The following ZNF423 variants were observed in gnomAD, a reference collection of about 807,000 sequenced individuals.
The protein encoded by ZNF423 is zinc finger protein 423.
A neutral mutation model predicts 95.8 loss-of-function variants in ZNF423; 12 were observed. The ratio of observed to expected loss-of-function variants is 0.13; its 90% CI spans 0.08 to 0.20. The LOEUF (loss-of-function observed/expected upper bound fraction) is 0.20, where lower values mean the gene tolerates loss of function less well. Ranked by LOEUF, ZNF423 falls within the 10% of genes least tolerant of loss-of-function variation. The pLI, the probability that ZNF423 is intolerant of heterozygous loss-of-function variation, is 1.00. For missense variants in ZNF423, 1,316 were observed against 1,737.1 expected, an observed-to-expected ratio of 0.76 and a Z score of 4.31; for synonymous variants, 749 against 711.9, an observed-to-expected ratio of 1.05 and a Z score of -0.83.
intron 1 of ZNF423, among the ~76,000 whole-genome samples, chr16:49,799,404 G>A (rs1046832928): frequency 3.9e-5 from 6 of 152,242 alleles, no homozygotes; most frequent in East Asian, 1.9e-4. Context: ...TTCCCACTGC[G>A]ATTTAGCCCA....
intron 3 of ZNF423, among the ~76,000 whole-genome samples, chr16:49,697,281 G>A (rs1353045433): frequency 2.0e-5 from 3 of 152,096 alleles, no homozygotes; most frequent in African/African-American, 7.2e-5. Flanking sequence ...GAGATGGGCT[G>A]GGAGCAGAGC....
At chr16:49,831,405 A>G (rs2035059753) in intron 1 of ZNF423, among the ~76,000 whole-genome samples, 1 of 152,222 alleles carries the variant, frequency 6.6e-6, no homozygotes, top group Admixed American at 6.5e-5. Flanking sequence ...AAGAGGGCAG[A>G]TCAAATCCCA....
In ZNF423 at chr16:49,565,590, C is replaced by T. The variant is rs1462065923; in HGVS notation, c.3602-40096G>A. 2.6e-5 allele frequency among the ~76,000 whole-genome samples: 4 copies of T among 152,134 alleles called. No homozygotes were observed. In the East Asian group the frequency reaches 5.8e-4, roughly 22 times the overall value. On this transcript the variant is annotated intron_variant, in intron 5 of 7. Transcript: ENST00000563137. ...CCCACGTGCTGCCCACCCTCAGAAC[C>T]AACGAGGACCTGGCTCAAGGCAACA...
intron 3 of ZNF423, among the ~76,000 whole-genome samples, chr16:49,654,846 A>G (rs1192049656): frequency 6.6e-6 from 1 of 152,248 alleles, no homozygotes; most frequent in African/African-American, 2.4e-5. Flanking sequence ...GTCCACGCTT[A>G]GCATTTCCAG....
At chr16:49,644,379 G>T (rs1347165314) in intron 3 of ZNF423, among the ~76,000 whole-genome samples, 1 of 151,940 alleles carries the variant, frequency 6.6e-6, no homozygotes. Flanking sequence ...ATCCAGCCGG[G>T]CATGGTGGCT....
chr16:49,783,306 C>T (rs973947058), intron 2 of ZNF423, among the ~76,000 whole-genome samples: 11 of 147,492 alleles, frequency 7.5e-5, no homozygotes. Flanking sequence ...TAGTGCCAGG[C>T]TGGGATGGGC....
rs568016603 is a variant in ZNF423, at chr16:49,553,329, T to C, written c.3602-27835A>G. ...ATGTAAACATTATAATTTATATATA[T>C]ATATTTCTTTTCTTATATTTTATTT... On this transcript the variant is annotated intron_variant, in intron 5 of 7. Transcript: ENST00000563137. Among the ~76,000 whole-genome samples, 40 of 152,056 alleles carry C rather than the reference T, an allele frequency of 2.6e-4. No individual in the cohort carries two copies. In the South Asian group the frequency reaches 7.3e-3, roughly 28 times the overall value.
chr16:49,831,487 C>T (rs2035060423), intron 1 of ZNF423, among the ~76,000 whole-genome samples: 2 of 152,260 alleles, frequency 1.3e-5, no homozygotes, highest in Admixed American at 6.5e-5. Flanking sequence ...GCCTCAGTTT[C>T]CTCACCTATA....
At chr16:49,674,012 G>C (rs540270576) in intron 3 of ZNF423, among the ~76,000 whole-genome samples, 2 of 152,274 alleles carry the variant, frequency 1.3e-5, no homozygotes, top group African/African-American at 4.8e-5. Context: ...AAATATAAAA[G>C]GCCATGGAGC....
At chr16:49,717,043 C>A (rs998947075) in intron 3 of ZNF423, among the ~76,000 whole-genome samples, 4 of 152,178 alleles carry the variant, frequency 2.6e-5, no homozygotes, top group Non-Finnish European at 5.9e-5. Context: ...TCCTCCCCCG[C>A]CACCCTCTGA....
At chr16:49,491,999 T>C (rs930409400) in intron 7 of ZNF423, among the ~76,000 whole-genome samples, 6 of 152,160 alleles carry the variant, frequency 3.9e-5, no homozygotes, top group African/African-American at 1.4e-4. Flanking sequence ...CGAATGCACC[T>C]AGGAATCCAG....
At chr16:49,685,421 T>A (rs751655285) in intron 3 of ZNF423, among the ~76,000 whole-genome samples, 6 of 152,108 alleles carry the variant, frequency 3.9e-5, no homozygotes, top group Non-Finnish European at 7.4e-5. Context: ...CAGGGTCTAG[T>A]TCCTTGGACT....
intron 5 of ZNF423, among the ~76,000 whole-genome samples, chr16:49,554,169 C>T (rs530282072): frequency 4.6e-5 from 7 of 152,236 alleles, no homozygotes; most frequent in African/African-American, 1.7e-4. Flanking sequence ...CTTTACAGAC[C>T]CCACACCTGA....
chr16:49,664,061 C>G (rs370452922), intron 3 of ZNF423: 1 of 985,518 alleles, frequency 1.0e-6, no homozygotes, highest in African/African-American at 1.7e-5. Flanking sequence ...CCCAGCCACC[C>G]CCTCATCACT....
intron 7 of ZNF423, among the ~76,000 whole-genome samples, chr16:49,521,694 T>TTGTGA (rs1370034975): frequency 2.0e-5 from 3 of 152,196 alleles, no homozygotes; most frequent in Non-Finnish European, 4.4e-5. Flanking sequence ...GATAAAGGCC[T>TTGTGA]CATGTACAAT....
chr16:49,677,387 G>GGGAGAGGAGA lies in ZNF423; in HGVS notation c.302-38523_302-38514dup, dbSNP rs370754973. 1.2e-3 allele frequency among the ~76,000 whole-genome samples: 34 copies of GGGAGAGGAGA among 27,280 alleles called. 3 individuals are homozygous for GGGAGAGGAGA. Among genetic ancestry groups the GGGAGAGGAGA allele is most frequent in the Non-Finnish European group, 1.7e-3 (28 of 16,058 alleles). The allele number at this position is 27,280 out of a possible 152,430, so 17.9% of individuals were successfully genotyped here. ...AGGGGAGGGTAGGAGGGGAGGGGAG[G>GGGAGAGGAGA]GGAGAGGAGAGGAGAGAGAGAATGG... On this transcript the variant is annotated intron_variant, in intron 3 of 7. Coordinates refer to ENST00000563137, the MANE Select transcript of ZNF423 (RefSeq NM_001379286.1).
At chr16:49,616,448 T>C (rs1057437869) in intron 5 of ZNF423, among the ~76,000 whole-genome samples, 2 of 152,262 alleles carry the variant, frequency 1.3e-5, no homozygotes, top group East Asian at 1.9e-4. Context: ...AATCATTTAT[T>C]GTACATTTTA....
At chr16:49,844,919 C>A (rs2035227104) in intron 1 of ZNF423, among the ~76,000 whole-genome samples, 1 of 151,340 alleles carries the variant, frequency 6.6e-6, no homozygotes, top group African/African-American at 2.4e-5. Flanking sequence ...CCTGTAATCC[C>A]AGCTACTCAT....
intron 3 of ZNF423, among the ~76,000 whole-genome samples, chr16:49,653,954 T>G (rs12102669): frequency 1.3e-5 from 2 of 152,234 alleles, no homozygotes; most frequent in Admixed American, 6.5e-5. Flanking sequence ...TGCAGAGCCC[T>G]TTCTGTGGCC....
Sources: allele counts gnomAD v4.1 joint callset (sites outside exome capture counted in the v4.1 genomes callset), GRCh38; gene constraint gnomAD v4.1.1; transcripts MANE v1.5; gene names NCBI Gene and HGNC (gene_info 2026-07-23, HGNC 2026-07-21).